FRMD7: variants seen among roughly 807,000 people sequenced by gnomAD.
FRMD7 encodes FERM domain containing 7, also known as FERM domain-containing protein 7.
A neutral mutation model predicts 44.1 loss-of-function variants in FRMD7; 14 were observed. The observed-to-expected ratio is 0.32, with a 90% CI of 0.21 to 0.50. The LOEUF is 0.50. FRMD7 is among the 20% of genes least tolerant of loss of function. FRMD7 has a pLI of 0.99. For missense variants in FRMD7, 501 were observed against 522.3 expected, an observed-to-expected ratio of 0.96 and a Z score of 0.40; for synonymous variants, 212 against 187.4, an observed-to-expected ratio of 1.13 and a Z score of -1.07.
intron 5 of FRMD7, among the ~76,000 whole-genome samples, chrX:132,086,971 G>A (rs1203366903): frequency 8.9e-6 from 1 of 112,237 alleles, no homozygotes; most frequent in African/African-American, 3.2e-5. Flanking sequence ...CAAATAGCTA[G>A]CAGTTTATCT....
chrX:132,092,170 A>T (rs939903865), intron 5 of FRMD7, among the ~76,000 whole-genome samples: 5 of 111,991 alleles, frequency 4.5e-5, no homozygotes, highest in African/African-American at 1.6e-4. Flanking sequence ...AAGAAGAGTT[A>T]CTGAGGGAGT....
intron 6 of FRMD7, 71 bp downstream of exon 6, chrX:132,085,849 G>A (rs1927969344): frequency 2.0e-6 from 2 of 1,015,934 alleles, no homozygotes; most frequent in South Asian, 1.9e-5. Flanking sequence ...TTAAGGGCTT[G>A]CTCTTAAGAG....
chrX:132,097,385 A>T (rs370316339), intron 3 of FRMD7, 41 bp from the exon 4 acceptor site: 1 of 783,296 alleles, frequency 1.3e-6, no homozygotes, highest in Non-Finnish European at 2.0e-6. Flanking sequence ...TTAAATGTCC[A>T]TCACAACAGT....
chrX:132,087,255 A>G (rs1305555152), intron 5 of FRMD7, among the ~76,000 whole-genome samples: 1 of 111,661 alleles, frequency 9.0e-6, no homozygotes, highest in Non-Finnish European at 1.9e-5. Context: ...TCTAACATAA[A>G]ATGAGAAAGC....
chrX:132,123,941 CAGAT>C (rs1929095375), intron 1 of FRMD7, among the ~76,000 whole-genome samples: 1 of 112,264 alleles, frequency 8.9e-6, no homozygotes, highest in South Asian at 3.7e-4. Context: ...AAAGGGATAT[CAGAT>C]AGAACTGTGT....
Position 132,101,286 on chromosome X carries a change from G to A in FRMD7, c.58-570C>T, listed in dbSNP as rs368748036. 7.4e-4 allele frequency among the ~76,000 whole-genome samples: 82 copies of A among 111,017 alleles called. No homozygotes were observed. In the South Asian group the frequency reaches 0.025, roughly 33 times the overall value. ...TTCCCCATACCTGTCTAGTCATTGCGTGCCTGCATGCCTCTGCTCATGTCA... is the reference window on the plus strand; with the variant it reads ...TTCCCCATACCTGTCTAGTCATTGCATGCCTGCATGCCTCTGCTCATGTCA... On this transcript the variant is annotated intron_variant, in intron 1 of 11. Coordinates refer to ENST00000298542, the MANE Select transcript of FRMD7 (RefSeq NM_194277.3).
intron 1 of FRMD7, among the ~76,000 whole-genome samples, chrX:132,125,424 C>T (rs1929132566): frequency 9.0e-6 from 1 of 111,724 alleles, no homozygotes; most frequent in Admixed American, 9.5e-5. Context: ...ACAATTTTCC[C>T]TGGTTATGAT....
Position 132,078,907 on chromosome X carries a change from G to A in FRMD7, c.1110C>T (p.His370=), listed in dbSNP as rs376220211. 8 of 1,204,273 alleles carry A rather than the reference G, an allele frequency of 6.6e-6. No individual in the cohort carries two copies. The highest frequency in any genetic ancestry group is 5.9e-5 in the East Asian group (2 of 33,702). The change falls in exon 12 of 12, where the codon CAC becomes CAT. Residue 370 remains histidine, a synonymous_variant. Coordinates refer to ENST00000298542, the MANE Select transcript of FRMD7 (RefSeq NM_194277.3). ...GGYYQNVNGV[H]ASEPVLESRR... ...TACTCTCCAGCACTGGCTCAGATGCGTGCACTCCATTCACATTTTGGTAGT... is the reference window on the plus strand; with the variant it reads ...TACTCTCCAGCACTGGCTCAGATGCATGCACTCCATTCACATTTTGGTAGT...
chrX:132,102,208 T>C (rs893713999), intron 1 of FRMD7, among the ~76,000 whole-genome samples: 2 of 110,723 alleles, frequency 1.8e-5, no homozygotes, highest in African/African-American at 3.3e-5. Context: ...CGTCCAAAAA[T>C]ACACCCCTCT....
intron 5 of FRMD7, among the ~76,000 whole-genome samples, 173 bp from the exon 6 acceptor site, chrX:132,086,207 TG>T (rs201093387): frequency 5.5e-5 from 6 of 109,199 alleles, no homozygotes; most frequent in South Asian, 4.0e-4. Flanking sequence ...TGTGTGTGTT[TG>T]GGGGGGGCAA....
chrX:132,093,571 C>T (rs1928243798), intron 5 of FRMD7, among the ~76,000 whole-genome samples: 1 of 112,545 alleles, frequency 8.9e-6, no homozygotes, highest in Admixed American at 9.4e-5. Flanking sequence ...GGCTTTTTTC[C>T]CTTTTAACCT....
Position 132,080,062 on chromosome X carries a change from A to G in FRMD7, c.994T>C (p.Tyr332His). 8.3e-7 allele frequency: 1 copy of G among 1,199,054 alleles called. No homozygotes were observed. The highest frequency in any genetic ancestry group is 1.1e-6 in the Non-Finnish European group (1 of 883,836). ...GAGGACCTGCACTGTCGTTCATGGT[A>G]CTGAGATGGGTAATGTTTCCTGAAA... ...PFERKHYPSQ[Y>H]HERQCRSSPD... The change falls in exon 11 of 12, where the codon TAC (tyrosine) becomes CAC (histidine). Residue 332 changes from tyrosine to histidine, a missense_variant. Coordinates refer to ENST00000298542, the MANE Select transcript of FRMD7 (RefSeq NM_194277.3).
At chrX:132,116,760 C>T in intron 1 of FRMD7, among the ~76,000 whole-genome samples, 1 of 111,743 alleles carries the variant, frequency 8.9e-6, no homozygotes, top group East Asian at 2.8e-4. Flanking sequence ...AGTAAACCAC[C>T]ATGGCACACG....
chrX:132,099,983 C>T lies in FRMD7; in HGVS notation c.163-473G>A, dbSNP rs145299606. Reference sequence around the variant, plus strand: ...GGTCTGAGAAAGGAGAAAGGAGATTCCTCTGAATATTCACTGGTGAGGTTA... The same window carrying T: ...GGTCTGAGAAAGGAGAAAGGAGATTTCTCTGAATATTCACTGGTGAGGTTA... On this transcript the variant is annotated intron_variant, in intron 2 of 11. Transcript: ENST00000298542. Among the ~76,000 whole-genome samples, 660 of 112,019 alleles carry T rather than the reference C, an allele frequency of 5.9e-3. 5 individuals are homozygous for T. The highest frequency in any genetic ancestry group is 9.5e-3 in the Non-Finnish European group (503 of 53,172).
intron 3 of FRMD7, among the ~76,000 whole-genome samples, chrX:132,098,688 G>C (rs766936647): frequency 1.9e-5 from 2 of 106,279 alleles, no homozygotes; most frequent in Non-Finnish European, 3.9e-5. Context: ...GTGGAATTTT[G>C]TTTTCAATAG....
chrX:132,078,329 A>G lies in FRMD7; in HGVS notation c.1688T>C (p.Ile563Thr). 1.7e-6 allele frequency: 2 copies of G among 1,211,769 alleles called. No homozygotes were observed. The highest frequency in any genetic ancestry group is 1.1e-6 in the Non-Finnish European group (1 of 895,338). ...GTCTTCCTCTTCTAGACCTACATTG[A>G]TGTTGCTCCTACCGCTAGTCCTGGC... ...AIARTSGRSN[I>T]NVGLEEEDPN... Residue 563 changes from isoleucine to threonine, a missense_variant, in exon 12 of 12, where the codon ATC (isoleucine) becomes ACC (threonine). This residue lies in a region of FRMD7 where 453 missense variants were observed against 452.7 expected (regional missense o/e 1.00). Coordinates refer to ENST00000298542, the MANE Select transcript of FRMD7 (RefSeq NM_194277.3).
At chrX:132,127,625 A>G (rs1929187844) in intron 1 of FRMD7, among the ~76,000 whole-genome samples, 163 bp downstream of exon 1, 1 of 112,701 alleles carries the variant, frequency 8.9e-6, no homozygotes, top group Admixed American at 9.4e-5. Flanking sequence ...AATATGAACT[A>G]CATTGTGATG....
chrX:132,116,943 C>G (rs1003874889), intron 1 of FRMD7, among the ~76,000 whole-genome samples: 1 of 112,237 alleles, frequency 8.9e-6, no homozygotes, highest in Non-Finnish European at 1.9e-5. Flanking sequence ...TGCATGGGCT[C>G]TTAATCCAGC....
At chrX:132,118,569 G>A (rs1928960846) in intron 1 of FRMD7, among the ~76,000 whole-genome samples, 1 of 111,729 alleles carries the variant, frequency 9.0e-6, no homozygotes, top group Middle Eastern at 4.6e-3. Flanking sequence ...CAGTGCGCAT[G>A]TGGGCATGCT....
Sources: allele counts gnomAD v4.1 joint callset (sites outside exome capture counted in the v4.1 genomes callset), GRCh38; gene constraint gnomAD v4.1.1; regional missense constraint gnomAD v4.1.1; transcripts MANE v1.5; gene names NCBI Gene and HGNC (gene_info 2026-07-23, HGNC 2026-07-21).